Variants in CBL observed in about 807,000 individuals in gnomAD.
CBL encodes the protein Cbl proto-oncogene.
A neutral mutation model predicts 96.9 loss-of-function variants in CBL; 45 were observed. That is an observed-to-expected ratio of 0.46 (90% CI 0.37 to 0.60). The LOEUF (loss-of-function observed/expected upper bound fraction) is 0.60. Among genes scored for constraint, CBL ranks in the 20% least tolerant of loss-of-function variants. The probability of loss-of-function intolerance (pLI) is 0.00; values close to 1 mark genes in which losing one functional copy is unlikely to be tolerated. For synonymous variants in CBL, 420 were observed against 426.8 expected, an observed-to-expected ratio of 0.98 and a Z score of 0.20; for missense variants, 1,024 against 1,143.5, an observed-to-expected ratio of 0.90 and a Z score of 1.51.
chr11:119,274,957 A>G lies in CBL; in HGVS notation c.869+4A>G, dbSNP rs77284821. The G allele has an allele frequency of 3.6e-3, 5,752 of 1,613,604 alleles. 191 individuals carry two copies. The African/African-American group carries it at 0.067, about 19-fold the overall frequency. ...AATTCATTCACAAACCTGGCAGGTC[A>G]GTTCAATGACGCAAAGAGATTTATT... On this transcript the variant is annotated splice_donor_region_variant and intron_variant, in intron 5 of 15. Transcript: ENST00000264033.
intron 3 of CBL, among the ~76,000 whole-genome samples, chr11:119,272,979 TA>T (rs1329484280): frequency 2.2e-5 from 3 of 136,214 alleles, no homozygotes; most frequent in Non-Finnish European, 4.8e-5. Flanking sequence ...TTTGTCGTTT[TA>T]TTTTTTTTTT....
At chr11:119,232,240 G>A (rs925962274) in intron 1 of CBL, among the ~76,000 whole-genome samples, 7 of 152,036 alleles carry the variant, frequency 4.6e-5, no homozygotes, top group African/African-American at 1.4e-4. Flanking sequence ...TCTCTCAAAC[G>A]GATTTAAAAA....
At chr11:119,279,530 T>C (rs1232859892) in intron 9 of CBL, among the ~76,000 whole-genome samples, 1 of 151,056 alleles carries the variant, frequency 6.6e-6, no homozygotes, top group Non-Finnish European at 1.5e-5. Context: ...TGTACGCCTG[T>C]AGTTCTAACT....
At chr11:119,275,049 A>T in intron 5 of CBL, 96 bp downstream of exon 5, 1 of 1,311,134 alleles carries the variant, frequency 7.6e-7, no homozygotes, top group Non-Finnish European at 1.1e-6. Flanking sequence ...TTAGTTTCGC[A>T]ATAGCCAAGG....
rs1950088435 is a variant in CBL, at chr11:119,299,747, T to C, written c.2687T>C (p.Val896Ala). 1 of 1,614,080 alleles carries C rather than the reference T, an allele frequency of 6.2e-7. No individual in the cohort carries two copies. Among genetic ancestry groups the C allele is most frequent in the Non-Finnish European group, 8.5e-7 (1 of 1,180,048 alleles). Reference sequence around the variant, plus strand: ...GCCAAAAACATCCTCCGGGAATTTGTTTCCATTTCTTCTCCTGCCCATGTA... The same window carrying C: ...GCCAAAAACATCCTCCGGGAATTTGCTTCCATTTCTTCTCCTGCCCATGTA... Reference protein sequence around the residue: ...EMAKNILREFVSISSPAHVAT With the variant: ...EMAKNILREFASISSPAHVAT The change falls in exon 16 of 16, where the codon GTT (valine) becomes GCT (alanine). Residue 896 changes from valine (V) to alanine (A), a missense_variant. Physicochemically the swap from Val to Ala is moderately conservative, Grantham distance 64 (BLOSUM62 0). Coordinates refer to ENST00000264033, the MANE Select transcript of CBL (RefSeq NM_005188.4).
chr11:119,283,621 C>CTTTTTTTTTTT (rs1410071154), intron 9 of CBL, among the ~76,000 whole-genome samples: 9 of 36,508 alleles, frequency 2.5e-4, no homozygotes, highest in African/African-American at 5.9e-4. Context: ...CTTTTTAATT[C>CTTTTTTTTTTT]TTTCTTTTTT....
chr11:119,231,376 T>C (rs1439644471), intron 1 of CBL, among the ~76,000 whole-genome samples: 5 of 152,022 alleles, frequency 3.3e-5, no homozygotes, highest in African/African-American at 1.2e-4. Context: ...CATTGCACTC[T>C]AGCCTGGGCA....
Position 119,301,052 on chromosome 11 carries a change from C to CT in CBL, c.*1273dup, listed in dbSNP as rs1950098581. 1 of 233,338 alleles carries CT rather than the reference C, an allele frequency of 4.3e-6. No homozygotes were observed. Among genetic ancestry groups the CT allele is most frequent in the African/African-American group, 2.2e-5 (1 of 45,344 alleles). The allele number at this position is 233,338 out of a possible 1,614,324, so 14.5% of individuals were successfully genotyped here. A position where few individuals can be genotyped will look rare whatever the true frequency, so the allele number is the denominator to read the frequency against. On this transcript the variant is annotated 3_prime_UTR_variant, in exon 16 of 16. Transcript: ENST00000264033. ...GATAATGTCCACGGTGGCCCAGCCTCTTGCTGATGGCACCTTCCCTGCATT... is the reference window on the plus strand; with the variant it reads ...GATAATGTCCACGGTGGCCCAGCCTCTTTGCTGATGGCACCTTCCCTGCATT...
At chr11:119,265,984 A>C (rs1371801294) in intron 2 of CBL, among the ~76,000 whole-genome samples, 1 of 139,070 alleles carries the variant, frequency 7.2e-6, no homozygotes, top group Non-Finnish European at 1.5e-5. Flanking sequence ...GTGACACTGC[A>C]TACCAGCCTG....
At chr11:119,216,154 C>G (rs1250651237) in intron 1 of CBL, among the ~76,000 whole-genome samples, 1 of 152,136 alleles carries the variant, frequency 6.6e-6, no homozygotes, top group African/African-American at 2.4e-5. Context: ...TTTGGAATGG[C>G]TAGTGAGTCG....
chr11:119,253,273 G>A (rs977645772), intron 2 of CBL, among the ~76,000 whole-genome samples: 1 of 151,658 alleles, frequency 6.6e-6, no homozygotes, highest in Non-Finnish European at 1.5e-5. Context: ...TTGTTACAAA[G>A]TACTTAGAAT....
chr11:119,253,873 G>T (rs1949690618), intron 2 of CBL, among the ~76,000 whole-genome samples: 1 of 150,838 alleles, frequency 6.6e-6, no homozygotes. Flanking sequence ...AATATCATCA[G>T]CCAGTCTTGT....
chr11:119,206,970 A>G (rs1240702881), intron 1 of CBL, among the ~76,000 whole-genome samples: 3 of 151,948 alleles, frequency 2.0e-5, no homozygotes, highest in Admixed American at 6.6e-5. Flanking sequence ...GATGTAGGTC[A>G]CGGAATTGGC....
chr11:119,216,159 G>A (rs1048809533), intron 1 of CBL, among the ~76,000 whole-genome samples: 1 of 152,144 alleles, frequency 6.6e-6, no homozygotes, highest in African/African-American at 2.4e-5. Context: ...AATGGCTAGT[G>A]AGTCGTGTGT....
At chr11:119,258,681 T>C (rs912527153) in intron 2 of CBL, among the ~76,000 whole-genome samples, 42 of 152,316 alleles carry the variant, frequency 2.8e-4, no homozygotes, top group African/African-American at 9.9e-4. Context: ...TACTATAGCC[T>C]TAATAGTATA....
At chr11:119,244,329 T>C (rs1025971917) in intron 2 of CBL, among the ~76,000 whole-genome samples, 2 of 152,222 alleles carry the variant, frequency 1.3e-5, no homozygotes, top group Non-Finnish European at 2.9e-5. Flanking sequence ...TATGAAAACC[T>C]GATAATCAGA....
At chr11:119,239,871 G>A (rs189040925) in intron 2 of CBL, among the ~76,000 whole-genome samples, 1 of 151,986 alleles carries the variant, frequency 6.6e-6, no homozygotes, top group East Asian at 1.9e-4. Flanking sequence ...TGATAGGTGA[G>A]TTGTGGACAG....
intron 12 of CBL, among the ~76,000 whole-genome samples, chr11:119,293,579 AT>A (rs1452198585): frequency 2.6e-5 from 4 of 152,084 alleles, no homozygotes; most frequent in African/African-American, 9.7e-5. Context: ...GGGATTTGTA[AT>A]AGCTCTAGGG....
In CBL at chr11:119,257,992, T is replaced by C. The variant is rs1949723474; in HGVS notation, c.444-13743T>C. On this transcript the variant is annotated intron_variant, in intron 2 of 15. Coordinates refer to ENST00000264033, the MANE Select transcript of CBL (RefSeq NM_005188.4). ...CTGTAATCTCAGCACTTTTGGAGGC[T>C]GAGGCAGGCGGGTCACTTGAGGTCA... is the stretch of plus-strand genomic sequence containing the variant. Among the ~76,000 whole-genome samples, 6 of 152,094 alleles carry C rather than the reference T, an allele frequency of 3.9e-5. No individual in the cohort carries two copies. The South Asian group carries it at 1.2e-3, about 32-fold the overall frequency.
Sources: allele counts gnomAD v4.1 joint callset (sites outside exome capture counted in the v4.1 genomes callset), GRCh38; gene constraint gnomAD v4.1.1; transcripts MANE v1.5; gene names NCBI Gene and HGNC (gene_info 2026-07-23, HGNC 2026-07-21).